ECHS1: variants seen among roughly 807,000 people sequenced by gnomAD.
The protein encoded by ECHS1 is enoyl-CoA hydratase, mitochondrial.
ECHS1 carries 19 observed loss-of-function variants against 33.5 expected under a neutral mutation model. The observed-to-expected ratio is 0.57, with a 90% CI of 0.40 to 0.83. The LOEUF is 0.83. Among genes scored for constraint, ECHS1 ranks in the 40% least tolerant of loss-of-function variants. The pLI, the probability that ECHS1 is intolerant of heterozygous loss-of-function variation, is 0.00. For missense variants in ECHS1, 365 were observed against 381.3 expected (o/e 0.96, Z 0.36); for synonymous variants, 158 against 146.6 (o/e 1.08, Z -0.56).
rs999446057 is a variant in ECHS1, at chr10:133,371,254, G to T, written c.89-497C>A. The stretch of plus-strand genomic sequence containing the variant: ...ATCATGCCACTGCACTCCAGCCTGG[G>T]TGACAGAGTGAGACTCCGTCTCAAA... On this transcript the variant is annotated intron_variant, in intron 1 of 7. Coordinates refer to ENST00000368547, the MANE Select transcript of ECHS1 (RefSeq NM_004092.4). 2.6e-5 allele frequency among the ~76,000 whole-genome samples: 4 copies of T among 151,868 alleles called. No individual in the cohort carries two copies. In the South Asian group the frequency reaches 8.3e-4, roughly 32 times the overall value.
intron 7 of ECHS1, among the ~76,000 whole-genome samples, chr10:133,364,361 C>T (rs575873191): frequency 6.2e-4 from 95 of 152,262 alleles, no homozygotes; most frequent in South Asian, 2.1e-3. Flanking sequence ...GACACCCACC[C>T]GGCTGAAACT....
At position 133,370,717 on chromosome 10, in the gene ECHS1, C is replaced by A. The variant is rs1336561433; in HGVS notation, c.129G>T (p.Lys43Asn). 1 of 1,612,676 alleles carries A rather than the reference C, an allele frequency of 6.2e-7. No individual in the cohort carries two copies. Among genetic ancestry groups the A allele is most frequent in the Admixed American group, 1.7e-5 (1 of 59,730 alleles). ...FEYIIAEKRG[K>N]NNTVGLIQLN... ...GTTGGATCAACCCCACGGTGTTATT[C>A]TTCCCTCTTTTTTCTGCGATGATGT... is the stretch of plus-strand genomic sequence containing the variant. The change falls in exon 2 of 8, where the codon AAG (lysine) becomes AAT (asparagine). Residue 43 changes from lysine to asparagine, a missense_variant. Transcript: ENST00000368547.
chr10:133,363,064 A>G (rs1361772109), intron 7 of ECHS1, 131 bp from the exon 8 acceptor site: 9 of 1,021,374 alleles, frequency 8.8e-6, no homozygotes, highest in Non-Finnish European at 1.3e-5. Flanking sequence ...CGGGGAGGGG[A>G]CTCAGCGGCA....
At chr10:133,367,733 T>A (rs2133441111) in intron 4 of ECHS1, among the ~76,000 whole-genome samples, 1 of 151,766 alleles carries the variant, frequency 6.6e-6, no homozygotes, top group Non-Finnish European at 1.5e-5. Context: ...GCTCCTCCCG[T>A]ACTCCTGGTT....
Position 133,373,311 on chromosome 10 carries a change from A to T in ECHS1, c.23T>A (p.Leu8Gln). 2.0e-6 allele frequency: 3 copies of T among 1,503,492 alleles called. No individual in the cohort carries two copies. Among genetic ancestry groups the T allele is most frequent in the Non-Finnish European group, 1.8e-6 (2 of 1,131,786 alleles). The allele number at this position is 1,503,492 out of a possible 1,614,324, so 93.1% of individuals were successfully genotyped here. Residue 8 changes from leucine to glutamine, a missense_variant, in exon 1 of 8, where the codon CTG becomes CAG. Transcript: ENST00000368547. MAALRVL[L>Q]SCVRGPLRPP... ...CCTCAGCGGGCCGCGGACGCAGGAC[A>T]GCAGGACACGCAGGGCGGCCATGGC...
chr10:133,368,019 G>A (rs1849055094), intron 4 of ECHS1, among the ~76,000 whole-genome samples: 2 of 152,068 alleles, frequency 1.3e-5, no homozygotes, highest in Non-Finnish European at 1.5e-5. Context: ...ACCGGTCTCC[G>A]CCTCTTGATG....
intron 7 of ECHS1, 118 bp from the exon 8 acceptor site, chr10:133,363,051 G>C: frequency 8.4e-7 from 1 of 1,197,176 alleles, no homozygotes. Flanking sequence ...GGGCCCAGGG[G>C]GCCGGGGAGG....
chr10:133,373,296 C>A lies in ECHS1; in HGVS notation c.38G>T (p.Gly13Val), dbSNP rs779720008. 1 of 1,486,742 alleles carries A rather than the reference C, an allele frequency of 6.7e-7. No homozygotes were observed. 92.1% of individuals were successfully genotyped at this position (1,486,742 alleles called of 1,614,324 possible). A position where few individuals can be genotyped will look rare whatever the true frequency, so the allele number is the denominator to read the frequency against. Reference protein sequence around the residue: ...ALRVLLSCVRGPLRPPVRCPA... With the variant: ...ALRVLLSCVRVPLRPPVRCPA... ...ACAGCGAACCGGGGGCCTCAGCGGG[C>A]CGCGGACGCAGGACAGCAGGACACG... The change falls in exon 1 of 8, where the codon GGC (glycine) becomes GTC (valine). Residue 13 changes from glycine to valine, a missense_variant. Transcript: ENST00000368547.
chr10:133,369,126 G>T, intron 3 of ECHS1, 104 bp from the exon 4 acceptor site: 2 of 1,028,262 alleles, frequency 1.9e-6, no homozygotes, highest in Non-Finnish European at 2.9e-6. Flanking sequence ...AGTGTTGGGG[G>T]TATGACAAAG....
In ECHS1 at chr10:133,370,908, A is replaced by G. The variant is rs901361424; in HGVS notation, c.89-151T>C. The G allele has an allele frequency of 1.5e-4, 95 of 637,010 alleles. 1 individual carries two copies. Among genetic ancestry groups the G allele is most frequent in the Non-Finnish European group, 2.4e-4 (93 of 380,048 alleles). The allele number at this position is 637,010 out of a possible 1,614,324, so 39.5% of individuals were successfully genotyped here. A position where few individuals can be genotyped will look rare whatever the true frequency, so the allele number is the denominator to read the frequency against. On this transcript the variant is annotated intron_variant, in intron 1 of 7. Coordinates refer to ENST00000368547, the MANE Select transcript of ECHS1 (RefSeq NM_004092.4). ...CCGAGTCCTCAGTGGCTCCAGGTGT[A>G]GCTCTCAGCCACAAGGATAGATGGT...
At chr10:133,372,741 G>A (rs1458447508) in intron 1 of ECHS1, among the ~76,000 whole-genome samples, 1 of 142,074 alleles carries the variant, frequency 7.0e-6, no homozygotes, top group Non-Finnish European at 1.5e-5. Context: ...CGGGTGGTGG[G>A]GGGGTGTTAA....
chr10:133,368,931 G>A lies in ECHS1; in HGVS notation c.506C>T (p.Thr169Ile). 6.2e-7 allele frequency: 1 copy of A among 1,613,448 alleles called. No homozygotes were observed. The highest frequency in any genetic ancestry group is 1.1e-5 in the South Asian group (1 of 91,070). Residue 169 changes from threonine to isoleucine, a missense_variant, in exon 4 of 8, where the codon ACC (threonine) becomes ATC (isoleucine). Physicochemically the swap from Thr to Ile is moderately conservative, Grantham distance 89 (BLOSUM62 -1). Coordinates refer to ENST00000368547, the MANE Select transcript of ECHS1 (RefSeq NM_004092.4). ...QFAQPEILIGTIPGAGGTQRL... is the reference protein window; with the variant it reads ...QFAQPEILIGIIPGAGGTQRL... The stretch of plus-strand genomic sequence containing the variant: ...ACAGTGTCACTCTTTACCTGGGATG[G>A]TTCCTATTAAGATCTCCGGCTGTGC...
intron 5 of ECHS1, among the ~76,000 whole-genome samples, chr10:133,366,485 C>G (rs1014450736): frequency 6.6e-6 from 1 of 152,266 alleles, no homozygotes; most frequent in Non-Finnish European, 1.5e-5. Context: ...GGTTCACTTC[C>G]GTACATACAG....
In ECHS1 at chr10:133,365,965, A is replaced by G. The variant is rs375487847; in HGVS notation, c.739+11T>C. On this transcript the variant is annotated intron_variant, in intron 6 of 7. Coordinates refer to ENST00000368547, the MANE Select transcript of ECHS1 (RefSeq NM_004092.4). ...GAGACCTCTCCAGTGTCTTCCTGGC[A>G]GATCCCCTACCTGCATTCACTGATT... is the stretch of plus-strand genomic sequence containing the variant. 5 of 1,613,486 alleles carry G rather than the reference A, an allele frequency of 3.1e-6. No individual in the cohort carries two copies. The highest frequency in any genetic ancestry group is 4.2e-6 in the Non-Finnish European group (5 of 1,179,984).
chr10:133,365,567 T>C (rs74164162), intron 6 of ECHS1, among the ~76,000 whole-genome samples: 4,899 of 152,330 alleles, frequency 0.032, 250 homozygotes, highest in African/African-American at 0.11. Flanking sequence ...AACAGCGTGG[T>C]GCTGGGCTGC....
At chr10:133,373,147 G>A in intron 1 of ECHS1, 99 bp downstream of exon 1, 5 of 982,718 alleles carry the variant, frequency 5.1e-6, no homozygotes, top group Non-Finnish European at 5.5e-6. Context: ...TGGGGGATGC[G>A]GGGTCAGGTG....
At chr10:133,369,815 C>T in intron 3 of ECHS1, 89 bp downstream of exon 3, 8 of 1,522,532 alleles carry the variant, frequency 5.3e-6, no homozygotes, top group Non-Finnish European at 7.1e-6. Flanking sequence ...AACTAAAGGC[C>T]TCTTCAAAAT....
rs1329528562 is a variant in ECHS1 at position 133,370,574 on chromosome 10, T to A, written c.272A>T (p.Asp91Val). 2 of 1,592,884 alleles carry A rather than the reference T, an allele frequency of 1.3e-6. No individual in the cohort carries two copies. Residue 91 changes from aspartate (D) to valine (V), a missense_variant, in exon 2 of 8, where the codon GAT becomes GTT. Transcript: ENST00000368547. ...GCCGCGCGTACCTGCAAAGGCCTTA[T>A]CCCCGCCGGTGAGGACAATGGCCCC... ...AVGAIVLTGG[D>V]KAFAAGADIK...
At position 133,373,354 on chromosome 10, in the gene ECHS1, C is replaced by T; in HGVS notation, c.-21G>A. The T allele has an allele frequency of 1.3e-6, 2 of 1,488,276 alleles. No individual in the cohort carries two copies. The highest frequency in any genetic ancestry group is 1.2e-5 in the South Asian group (1 of 80,050). The allele number at this position is 1,488,276 out of a possible 1,614,324, so 92.2% of individuals were successfully genotyped here. A position where few individuals can be genotyped will look rare whatever the true frequency, so the allele number is the denominator to read the frequency against. On this transcript the variant is annotated 5_prime_UTR_variant, in exon 1 of 8. Transcript: ENST00000368547. Reference sequence around the variant, plus strand: ...GCCATGGCTCTCTGGACTCCTCGCCCGGCCCCGCGGAGCCGCCCCCTCGCC... The same window carrying T: ...GCCATGGCTCTCTGGACTCCTCGCCTGGCCCCGCGGAGCCGCCCCCTCGCC...
Sources: gnomAD v4.1 joint callset for allele counts (sites outside exome capture counted in the v4.1 genomes callset) on GRCh38, gnomAD v4.1.1 for gene constraint, MANE v1.5 for transcripts, NCBI Gene and HGNC (gene_info 2026-07-23, HGNC 2026-07-21) for gene names.